SLIT3: variants seen among roughly 807,000 people sequenced by gnomAD.
SLIT3 encodes slit guidance ligand 3.
SLIT3 carries 68 observed loss-of-function variants against 184.0 expected under a neutral mutation model. That is an observed-to-expected ratio of 0.37 (90% CI 0.30 to 0.45). The LOEUF (loss-of-function observed/expected upper bound fraction) is 0.45, where lower values mean the gene tolerates loss of function less well. Ranked by LOEUF, SLIT3 falls within the 20% of genes least tolerant of loss-of-function variation. The pLI is 1.00. For synonymous variants in SLIT3, 831 were observed against 828.6 expected (o/e 1.00, Z -0.05); for missense variants, 1,707 against 2,026.0 (o/e 0.84, Z 3.02).
intron 4 of SLIT3, among the ~76,000 whole-genome samples, chr5:168,894,608 G>A (rs79184041): frequency 0.026 from 4,031 of 152,272 alleles, 74 homozygotes; most frequent in Middle Eastern, 0.061. Context: ...GCCTTTGATG[G>A]GGAAAGGTTT....
chr5:169,097,650 C>A (rs1336901017), intron 4 of SLIT3, among the ~76,000 whole-genome samples: 6 of 152,210 alleles, frequency 3.9e-5, no homozygotes, highest in Admixed American at 3.3e-4. Flanking sequence ...GTCAGCTTAG[C>A]AGCCACAGAC....
In SLIT3 at chr5:168,669,928, A is replaced by G. The variant is rs754795999; in HGVS notation, c.4191T>C (p.Tyr1397=). ...TCTTGTTGTCACACAAGTCCCCTCC[A>G]TAGCCCTCGGCACACTTGCACATGT... ...TSYMCKCAEG[Y]GGDLCDNKND... The change falls in exon 35 of 36, where the codon TAT becomes TAC. Residue 1397 remains tyrosine (Y), a synonymous_variant. Transcript: ENST00000519560. The G allele has an allele frequency of 1.7e-5, 27 of 1,614,072 alleles. No individual in the cohort carries two copies. Among genetic ancestry groups the G allele is most frequent in the African/African-American group, 2.7e-5 (2 of 74,930 alleles).
At chr5:168,931,849 T>C (rs1433878325) in intron 4 of SLIT3, among the ~76,000 whole-genome samples, 6 of 152,186 alleles carry the variant, frequency 3.9e-5, no homozygotes, top group African/African-American at 1.4e-4. Flanking sequence ...AGGTTCCTTT[T>C]GCAATAACCA....
chr5:168,671,046 T>C lies in SLIT3; in HGVS notation c.4127+152A>G, dbSNP rs553294378. The C allele has an allele frequency of 7.1e-6, 6 of 847,386 alleles. No homozygotes were observed. In the East Asian group the frequency reaches 1.3e-4, roughly 19 times the overall value. 52.5% of individuals were successfully genotyped at this position (847,386 alleles called of 1,614,324 possible). ...TGCTCAGATGTGTAAGCTCAGCCTC[T>C]TGACCTCTTAAGCAGTTACACTTAC... On this transcript the variant is annotated intron_variant, in intron 34 of 35. Coordinates refer to ENST00000519560, the MANE Select transcript of SLIT3 (RefSeq NM_003062.4).
At chr5:169,092,655 G>A (rs1439248161) in intron 4 of SLIT3, among the ~76,000 whole-genome samples, 2 of 152,210 alleles carry the variant, frequency 1.3e-5, no homozygotes, top group Non-Finnish European at 2.9e-5. Context: ...AATTCTTGCA[G>A]AGATGGCAGG....
intron 4 of SLIT3, among the ~76,000 whole-genome samples, chr5:169,157,172 C>T (rs1027791122): frequency 9.2e-5 from 14 of 152,118 alleles, no homozygotes; most frequent in Admixed American, 9.2e-4. Flanking sequence ...TGAAGTCCCT[C>T]CATACAATGT....
intron 4 of SLIT3, chr5:169,120,125 TC>T (rs1760826008): frequency 6.6e-6 from 1 of 152,210 alleles, no homozygotes; most frequent in Non-Finnish European, 1.5e-5. Context: ...CTACCTTTTG[TC>T]CCATTTAAAA....
intron 4 of SLIT3, among the ~76,000 whole-genome samples, chr5:168,914,015 C>T (rs1261782257): frequency 6.6e-6 from 1 of 152,154 alleles, no homozygotes; most frequent in Non-Finnish European, 1.5e-5. Context: ...TGTAACTCTA[C>T]CTAACTCTTT....
At chr5:168,805,331 G>A (rs1035991904) in intron 9 of SLIT3, among the ~76,000 whole-genome samples, 2 of 152,078 alleles carry the variant, frequency 1.3e-5, no homozygotes, top group African/African-American at 2.4e-5. Context: ...GGGAAGAGGA[G>A]GAGGAGGAAG....
chr5:169,254,444 A>G (rs1395007763), intron 1 of SLIT3, among the ~76,000 whole-genome samples: 1 of 151,526 alleles, frequency 6.6e-6, no homozygotes, highest in Non-Finnish European at 1.5e-5. Context: ...GGATGTGGGA[A>G]GTGTGGTGGT....
intron 4 of SLIT3, among the ~76,000 whole-genome samples, chr5:169,110,522 T>A (rs913435833): frequency 6.6e-6 from 1 of 152,160 alleles, no homozygotes; most frequent in Admixed American, 6.5e-5. Flanking sequence ...GTACCCTACA[T>A]CATTTTTCAT....
chr5:168,942,107 C>G (rs1459915535), intron 4 of SLIT3, among the ~76,000 whole-genome samples: 6 of 152,146 alleles, frequency 3.9e-5, no homozygotes, highest in Non-Finnish European at 7.4e-5. Context: ...AGTACATCCC[C>G]CAGAAGCAGT....
At chr5:168,952,065 C>A (rs186153170) in intron 4 of SLIT3, among the ~76,000 whole-genome samples, 96 of 152,288 alleles carry the variant, frequency 6.3e-4, no homozygotes, top group African/African-American at 2.3e-3. Flanking sequence ...TAGGAGGCAG[C>A]TACAAAGAGT....
intron 5 of SLIT3, among the ~76,000 whole-genome samples, chr5:168,858,416 C>T (rs576642401): frequency 6.6e-6 from 1 of 152,238 alleles, no homozygotes; most frequent in African/African-American, 2.4e-5. Context: ...TTTATATCCC[C>T]GTTAAAGGCT....
intron 4 of SLIT3, among the ~76,000 whole-genome samples, chr5:169,066,943 A>G (rs1364873637): frequency 1.2e-5 from 1 of 84,218 alleles, no homozygotes; most frequent in Admixed American, 1.0e-4. Flanking sequence ...CCCTTTCCTG[A>G]AAAAAAAAAA....
At chr5:169,107,638 G>A (rs967794282) in intron 4 of SLIT3, among the ~76,000 whole-genome samples, 1 of 152,174 alleles carries the variant, frequency 6.6e-6, no homozygotes, top group African/African-American at 2.4e-5. Flanking sequence ...AGGGAGCCTG[G>A]GAATGTGCAG....
rs114189139 is a variant in SLIT3 at position 169,139,161 on chromosome 5, T to C, written c.413+54318A>G. ...TGAGCACCAGCCTTGGGGGTAAGAT[T>C]GTTTTCTCAAAGCCCTAAAGTTGAA... On this transcript the variant is annotated intron_variant, in intron 4 of 35. Transcript: ENST00000519560. Among the ~76,000 whole-genome samples the C allele has an allele frequency of 5.1e-3, 783 of 152,318 alleles. 8 individuals carry two copies. The highest frequency in any genetic ancestry group is 0.018 in the African/African-American group (731 of 41,560).
Position 168,699,706 on chromosome 5 carries a change from A to G in SLIT3, c.2942+876T>C, listed in dbSNP as rs75643632. Among the ~76,000 whole-genome samples the G allele has an allele frequency of 3.4e-3, 523 of 152,336 alleles. 3 individuals are homozygous for G. The highest frequency in any genetic ancestry group is 0.012 in the African/African-American group (485 of 41,582). On this transcript the variant is annotated intron_variant, in intron 27 of 35. Transcript: ENST00000519560. Reference sequence around the variant, plus strand: ...GCATCAGGAGATACGACCTAGAGCAAGTCCATTTCTGTGTCTCAGCTTCCC... The same window carrying G: ...GCATCAGGAGATACGACCTAGAGCAGGTCCATTTCTGTGTCTCAGCTTCCC...
chr5:168,774,781 G>C (rs1453523954), intron 12 of SLIT3, among the ~76,000 whole-genome samples: 2 of 152,182 alleles, frequency 1.3e-5, no homozygotes, highest in Non-Finnish European at 2.9e-5. Flanking sequence ...CGGGCAATTT[G>C]ATTCAGAAAA....
Sources: gnomAD v4.1 joint callset for allele counts (sites outside exome capture counted in the v4.1 genomes callset) on GRCh38, gnomAD v4.1.1 for gene constraint, MANE v1.5 for transcripts, NCBI Gene and HGNC (gene_info 2026-07-23, HGNC 2026-07-21) for gene names.